The following MCTP1 variants were observed in gnomAD, a reference collection of about 807,000 sequenced individuals.
MCTP1 encodes the protein multiple C2 and transmembrane domain containing 1.
A neutral mutation model predicts 120.6 loss-of-function variants in MCTP1; 69 were observed. That is an observed-to-expected ratio of 0.57 (90% CI 0.47 to 0.70). The LOEUF (loss-of-function observed/expected upper bound fraction) is 0.70. MCTP1 is among the 30% of genes least tolerant of loss of function. The pLI is 0.00. For synonymous variants in MCTP1, 529 were observed against 493.1 expected (o/e 1.07, Z -0.96); for missense variants, 1,203 against 1,248.8 (o/e 0.96, Z 0.55).
At chr5:95,166,724 C>T (rs1234085153) in intron 1 of MCTP1, among the ~76,000 whole-genome samples, 13 of 151,846 alleles carry the variant, frequency 8.6e-5, no homozygotes, top group Non-Finnish European at 1.0e-4. Context: ...CCCACCACCA[C>T]GCCTGGCTAA....
chr5:95,068,946 G>T (rs1751394533), intron 1 of MCTP1: 2 of 302,404 alleles, frequency 6.6e-6, no homozygotes, highest in Non-Finnish European at 1.1e-5. Context: ...GGAAGATTGT[G>T]AGCAGGTATC....
intron 2 of MCTP1, among the ~76,000 whole-genome samples, chr5:94,975,797 C>G (rs1258742143): frequency 6.6e-6 from 1 of 151,996 alleles, no homozygotes; most frequent in African/African-American, 2.4e-5. Flanking sequence ...TTTATTCAAG[C>G]TTCACTGCTG....
At chr5:95,105,196 G>T (rs1269769366) in intron 1 of MCTP1, among the ~76,000 whole-genome samples, 2 of 152,130 alleles carry the variant, frequency 1.3e-5, no homozygotes, top group African/African-American at 4.8e-5. Flanking sequence ...AGCCAGTCTA[G>T]CTCCAGAAAA....
At chr5:94,876,797 G>C (rs1798967756) in intron 12 of MCTP1, among the ~76,000 whole-genome samples, 1 of 152,004 alleles carries the variant, frequency 6.6e-6, no homozygotes, top group South Asian at 2.1e-4. Context: ...AGCTAGGAAG[G>C]AAATCAGCGT....
At chr5:95,255,383 T>C (rs1757775875) in intron 1 of MCTP1, among the ~76,000 whole-genome samples, 1 of 152,328 alleles carries the variant, frequency 6.6e-6, no homozygotes, top group South Asian at 2.1e-4. Flanking sequence ...AGAATTTGGA[T>C]ACTTTAAAGA....
chr5:94,892,202 A>C (rs983886760), intron 11 of MCTP1, among the ~76,000 whole-genome samples: 1 of 152,160 alleles, frequency 6.6e-6, no homozygotes, highest in Admixed American at 6.5e-5. Flanking sequence ...ATGTCACACC[A>C]CCAGCCTTAT....
At chr5:94,847,171 T>A (rs1792582031) in intron 17 of MCTP1, among the ~76,000 whole-genome samples, 1 of 152,160 alleles carries the variant, frequency 6.6e-6, no homozygotes, top group South Asian at 2.1e-4. Context: ...CACTCTGCCT[T>A]GTAACAGGAT....
At chr5:95,134,206 A>G (rs945025243) in intron 1 of MCTP1, among the ~76,000 whole-genome samples, 1 of 152,208 alleles carries the variant, frequency 6.6e-6, no homozygotes, top group Non-Finnish European at 1.5e-5. Context: ...TGTTTTAATC[A>G]GTGTAGTATG....
At chr5:94,861,359 T>C (rs565699049) in intron 17 of MCTP1, among the ~76,000 whole-genome samples, 52 of 151,966 alleles carry the variant, frequency 3.4e-4, no homozygotes, top group African/African-American at 1.1e-3. Context: ...TTGTAACGAA[T>C]ATCTGCACAT....
At chr5:95,281,243 AG>A (rs1271623696) in intron 1 of MCTP1, among the ~76,000 whole-genome samples, 1 of 152,176 alleles carries the variant, frequency 6.6e-6, no homozygotes, top group Non-Finnish European at 1.5e-5. Flanking sequence ...TGAGAGAGTA[AG>A]GAAAGATCTC....
intron 2 of MCTP1, among the ~76,000 whole-genome samples, chr5:94,994,080 A>C (rs1832139901): frequency 1.3e-5 from 2 of 152,198 alleles, no homozygotes; most frequent in Admixed American, 1.3e-4. Context: ...ACAAACTACC[A>C]GACTTTTCAA....
chr5:95,068,691 T>A, intron 1 of MCTP1: 1 of 711,672 alleles, frequency 1.4e-6, no homozygotes, highest in Non-Finnish European at 2.0e-6. Context: ...TGCATTACTA[T>A]GGTTTTCACA....
chr5:95,262,516 C>T (rs1280897687), intron 1 of MCTP1, among the ~76,000 whole-genome samples: 1 of 152,174 alleles, frequency 6.6e-6, no homozygotes, highest in Non-Finnish European at 1.5e-5. Flanking sequence ...ATGCCCAAAT[C>T]AGTTCTCAGA....
intron 2 of MCTP1, among the ~76,000 whole-genome samples, chr5:95,010,759 A>AT (rs1835778273): frequency 6.6e-6 from 1 of 152,094 alleles, no homozygotes; most frequent in Admixed American, 6.6e-5. Context: ...TTGTTTTTGT[A>AT]TTTTTTGGCG....
intron 4 of MCTP1, 148 bp downstream of exon 4, chr5:94,942,200 T>G (rs1817888527): frequency 1.8e-6 from 1 of 565,998 alleles, no homozygotes; most frequent in Non-Finnish European, 3.1e-6. Context: ...ACTGGGTAAG[T>G]GAGGAAGATG....
chr5:94,917,386 G>C (rs1031794916), intron 8 of MCTP1, among the ~76,000 whole-genome samples: 1 of 152,140 alleles, frequency 6.6e-6, no homozygotes, highest in Non-Finnish European at 1.5e-5. Flanking sequence ...TCAAAGCAAA[G>C]AACAAAACCA....
intron 12 of MCTP1, among the ~76,000 whole-genome samples, chr5:94,881,406 G>A (rs1035871008): frequency 2.6e-5 from 4 of 152,110 alleles, no homozygotes; most frequent in Middle Eastern, 3.2e-3. Flanking sequence ...CTAGAAGGAA[G>A]TTTGCTCTTT....
At chr5:95,129,976 T>G (rs1006129822) in intron 1 of MCTP1, among the ~76,000 whole-genome samples, 9 of 152,168 alleles carry the variant, frequency 5.9e-5, no homozygotes, top group Non-Finnish European at 1.3e-4. Flanking sequence ...ATGGGCAAAT[T>G]TTTTGTCTCT....
At position 95,224,378 on chromosome 5, in the gene MCTP1, T is replaced by C. The variant is rs865958821; in HGVS notation, c.720+59478A>G. On this transcript the variant is annotated intron_variant, in intron 1 of 22. Transcript: ENST00000515393. ...CTAAGGGGATATTTACATTTAATGTTAGCAAATATTGCATAGTACTCTAAC... is the reference window on the plus strand; with the variant it reads ...CTAAGGGGATATTTACATTTAATGTCAGCAAATATTGCATAGTACTCTAAC... Among the ~76,000 whole-genome samples, 6 of 152,324 alleles carry C rather than the reference T, an allele frequency of 3.9e-5. No individual in the cohort carries two copies. The South Asian group carries it at 1.0e-3, about 26-fold the overall frequency.
Sources: allele counts gnomAD v4.1 joint callset (sites outside exome capture counted in the v4.1 genomes callset), GRCh38; gene constraint gnomAD v4.1.1; transcripts MANE v1.5; gene names NCBI Gene and HGNC (gene_info 2026-07-23, HGNC 2026-07-21).